Variants in SDC2 observed in about 807,000 individuals in gnomAD.
SDC2 encodes syndecan 2.
Under a neutral mutation model 22.2 loss-of-function variants are expected in SDC2, and 13 were observed. The ratio of observed to expected loss-of-function variants is 0.59; its 90% CI spans 0.38 to 0.93. SDC2 has a LOEUF of 0.93. SDC2 is among the 40% of genes least tolerant of loss of function. The pLI is 0.00. For missense variants in SDC2, 235 were observed against 246.8 expected, an observed-to-expected ratio of 0.95 and a Z score of 0.32; for synonymous variants, 94 against 92.8, an observed-to-expected ratio of 1.01 and a Z score of -0.07.
At chr8:96,529,507 G>A (rs2130479686) in intron 1 of SDC2, among the ~76,000 whole-genome samples, 1 of 152,260 alleles carries the variant, frequency 6.6e-6, no homozygotes, top group East Asian at 1.9e-4. Context: ...GGCTGTCAGA[G>A]TTAAGAATCT....
rs546528313 is a variant in SDC2 at position 96,611,455 on chromosome 8, GTTTAC to G, written c.*1912_*1916del. 158 of 152,720 alleles carry G rather than the reference GTTTAC, an allele frequency of 1.0e-3. No homozygotes were observed. The highest frequency in any genetic ancestry group is 3.6e-3 in the African/African-American group (148 of 41,562). 9.5% of individuals were successfully genotyped at this position (152,720 alleles called of 1,614,324 possible). On this transcript the variant is annotated 3_prime_UTR_variant, in exon 5 of 5. Transcript: ENST00000302190. ...TTTTTTAAGCAACACTTGGAACAGT[GTTTAC>G]TTTAAATCCTTAATGGCCTTAATTA...
Position 96,569,103 on chromosome 8 carries a change from A to G in SDC2, c.61-24377A>G, listed in dbSNP as rs541565952. 3.9e-5 allele frequency among the ~76,000 whole-genome samples: 6 copies of G among 152,254 alleles called. No homozygotes were observed. In the East Asian group the frequency reaches 7.7e-4, roughly 20 times the overall value. On this transcript the variant is annotated intron_variant, in intron 1 of 4. Coordinates refer to ENST00000302190, the MANE Select transcript of SDC2 (RefSeq NM_002998.4). The stretch of plus-strand genomic sequence containing the variant: ...TGGCTCACTGCAGCCTTGAACTCCT[A>G]GGCTCAAGTGATCCTCCTCTCAGCC...
rs971146941 is a variant in SDC2 at position 96,551,480 on chromosome 8, T to C, written c.61-42000T>C. On this transcript the variant is annotated intron_variant, in intron 1 of 4. Transcript: ENST00000302190. The stretch of plus-strand genomic sequence containing the variant: ...CCTCCCAGCAATCTCATGAGACAGG[T>C]ATACTATTATTAGCCCTAGTTTACA... 1.4e-4 allele frequency among the ~76,000 whole-genome samples: 21 copies of C among 152,088 alleles called. 1 individual carries two copies.
intron 1 of SDC2, among the ~76,000 whole-genome samples, chr8:96,584,432 T>C (rs1366429722): frequency 6.6e-6 from 1 of 152,244 alleles, no homozygotes; most frequent in Non-Finnish European, 1.5e-5. Flanking sequence ...TTATTAAATC[T>C]AAACCAGAGC....
At chr8:96,562,580 C>T (rs1209291215) in intron 1 of SDC2, among the ~76,000 whole-genome samples, 2 of 152,164 alleles carry the variant, frequency 1.3e-5, no homozygotes, top group Non-Finnish European at 2.9e-5. Flanking sequence ...CTCATTTTCT[C>T]CTCTTGTGCA....
chr8:96,547,484 C>T (rs1038991213), intron 1 of SDC2, among the ~76,000 whole-genome samples: 3 of 152,180 alleles, frequency 2.0e-5, no homozygotes, highest in Admixed American at 6.5e-5. Context: ...AACTGTTAGG[C>T]GGCTCCATGT....
chr8:96,603,736 G>A (rs1274095308), intron 3 of SDC2, among the ~76,000 whole-genome samples: 2 of 152,108 alleles, frequency 1.3e-5, no homozygotes, highest in Non-Finnish European at 2.9e-5. Flanking sequence ...ATGGGTTTCT[G>A]CAGATGTGGA....
At chr8:96,526,086 C>T (rs1488612816) in intron 1 of SDC2, among the ~76,000 whole-genome samples, 4 of 143,504 alleles carry the variant, frequency 2.8e-5, no homozygotes, top group Non-Finnish European at 4.6e-5. Flanking sequence ...TTTGGATGTG[C>T]GGGCCAGGCA....
intron 1 of SDC2, among the ~76,000 whole-genome samples, chr8:96,509,128 T>G (rs1264583888): frequency 1.4e-5 from 2 of 142,346 alleles, no homozygotes; most frequent in Non-Finnish European, 3.2e-5. Flanking sequence ...GCTCTGCCAA[T>G]TTCTGGACTT....
chr8:96,500,779 C>T (rs1813149368), intron 1 of SDC2, among the ~76,000 whole-genome samples: 3 of 151,902 alleles, frequency 2.0e-5, no homozygotes, highest in African/African-American at 7.3e-5. Context: ...TTCTAGGCAG[C>T]ATTAGCTTTA....
intron 1 of SDC2, among the ~76,000 whole-genome samples, chr8:96,532,857 T>C (rs958652281): frequency 6.6e-6 from 1 of 152,176 alleles, no homozygotes. Flanking sequence ...GCCAGCAGCA[T>C]AGGCCCTGTG....
rs758495509 is a variant in SDC2 at position 96,608,399 on chromosome 8, C to T, written c.371C>T (p.Ala124Val). The change falls in exon 4 of 5, where the codon GCC (alanine) becomes GTC (valine). Residue 124 changes from alanine (A) to valine (V), a missense_variant. Physicochemically the swap from Ala to Val is moderately conservative, Grantham distance 64 (BLOSUM62 0). Transcript: ENST00000302190. ...LSDSERKMDP[A>V]EEDTNVYTEK... Reference sequence around the variant, plus strand: ...GACTCAGAAAGGAAAATGGACCCAGCCGAAGAGGATACAAATGTGTATACT... The same window carrying T: ...GACTCAGAAAGGAAAATGGACCCAGTCGAAGAGGATACAAATGTGTATACT... 2 of 1,613,806 alleles carry T rather than the reference C, an allele frequency of 1.2e-6. No individual in the cohort carries two copies. Among genetic ancestry groups the T allele is most frequent in the Non-Finnish European group, 1.7e-6 (2 of 1,179,730 alleles).
At chr8:96,601,910 C>A (rs563465300) in intron 2 of SDC2, among the ~76,000 whole-genome samples, 2 of 151,284 alleles carry the variant, frequency 1.3e-5, no homozygotes, top group African/African-American at 4.9e-5. Flanking sequence ...AGGCGTGCGC[C>A]GCCACGCCCA....
At chr8:96,592,655 T>TA (rs1814801785) in intron 1 of SDC2, among the ~76,000 whole-genome samples, 1 of 152,234 alleles carries the variant, frequency 6.6e-6, no homozygotes, top group South Asian at 2.1e-4. Flanking sequence ...ACTAAACTCT[T>TA]ACTGAAGAGT....
At chr8:96,498,631 C>T (rs1316643520) in intron 1 of SDC2, among the ~76,000 whole-genome samples, 2 of 152,136 alleles carry the variant, frequency 1.3e-5, no homozygotes, top group East Asian at 3.9e-4. Flanking sequence ...GCTGGGACTA[C>T]AGGCACATGC....
At chr8:96,494,495 C>T (rs1204982702) in intron 1 of SDC2, among the ~76,000 whole-genome samples, 164 bp downstream of exon 1, 1 of 152,252 alleles carries the variant, frequency 6.6e-6, no homozygotes, top group Non-Finnish European at 1.5e-5. Flanking sequence ...CTTTCCCCCT[C>T]TTCCCTTCCT....
At position 96,610,865 on chromosome 8, in the gene SDC2, GAT is replaced by G. The variant is rs538288054; in HGVS notation, c.*1320_*1321del. ...ATTATCCTGTGTGTGTCTAGGTAGAGATATTGGAAGGCTGCCAGGGGATTTCG... is the reference window on the plus strand; with the variant it reads ...ATTATCCTGTGTGTGTCTAGGTAGAGATTGGAAGGCTGCCAGGGGATTTCG... On this transcript the variant is annotated 3_prime_UTR_variant, in exon 5 of 5. Coordinates refer to ENST00000302190, the MANE Select transcript of SDC2 (RefSeq NM_002998.4). 3.0e-4 allele frequency: 46 copies of G among 152,650 alleles called. No individual in the cohort carries two copies. The highest frequency in any genetic ancestry group is 5.9e-4 in the Non-Finnish European group (40 of 68,048). The allele number at this position is 152,650 out of a possible 1,614,324, so 9.5% of individuals were successfully genotyped here.
At chr8:96,499,091 T>G (rs1045451768) in intron 1 of SDC2, among the ~76,000 whole-genome samples, 5 of 152,164 alleles carry the variant, frequency 3.3e-5, no homozygotes, top group Non-Finnish European at 7.4e-5. Context: ...CCTTGATCAC[T>G]TTCCACCACA....
chr8:96,512,527 C>T (rs1813343891), intron 1 of SDC2, among the ~76,000 whole-genome samples: 1 of 152,112 alleles, frequency 6.6e-6, no homozygotes, highest in African/African-American at 2.4e-5. Context: ...TGTTTAATAG[C>T]AGGCTTAGAA....
Sources: gnomAD v4.1 joint callset for allele counts (sites outside exome capture counted in the v4.1 genomes callset) on GRCh38, gnomAD v4.1.1 for gene constraint, MANE v1.5 for transcripts, NCBI Gene and HGNC (gene_info 2026-07-23, HGNC 2026-07-21) for gene names.